Variants in PTPRD observed in about 807,000 individuals in gnomAD.
PTPRD encodes the protein protein tyrosine phosphatase receptor type D.
Under a neutral mutation model 214.5 loss-of-function variants are expected in PTPRD, and 34 were observed. The ratio of observed to expected loss-of-function variants is 0.16; its 90% CI spans 0.12 to 0.21. The LOEUF (loss-of-function observed/expected upper bound fraction) is 0.21, where lower values mean the gene tolerates loss of function less well. PTPRD is among the 10% of genes least tolerant of loss of function. The pLI, the probability that PTPRD is intolerant of heterozygous loss-of-function variation, is 1.00. For synonymous variants in PTPRD, 1,128 were observed against 845.7 expected (o/e 1.33, Z -5.79); for missense variants, 2,545 against 2,398.7 (o/e 1.06, Z -1.27).
intron 7 of PTPRD, among the ~76,000 whole-genome samples, chr9:9,727,802 T>C (rs1430191857): frequency 2.6e-5 from 4 of 152,216 alleles, no homozygotes; most frequent in Non-Finnish European, 5.9e-5. Flanking sequence ...ACTCAGTGAA[T>C]GAAAGCTATC....
At position 8,992,529 on chromosome 9, in the gene PTPRD, A is replaced by G. The variant is rs561359488; in HGVS notation, c.-104+26168T>C. ...CTTCGGCTATTCTATTTTACTTCTC[A>G]TTAATACTAGAGGTTTGGTTATTTA... On this transcript the variant is annotated intron_variant, in intron 11 of 45. Transcript: ENST00000381196. Among the ~76,000 whole-genome samples, 4 of 152,262 alleles carry G rather than the reference A, an allele frequency of 2.6e-5. No homozygotes were observed. In the East Asian group the frequency reaches 7.8e-4, roughly 30 times the overall value.
intron 11 of PTPRD, among the ~76,000 whole-genome samples, chr9:8,944,983 C>T (rs935501436): frequency 2.6e-5 from 4 of 151,940 alleles, no homozygotes; most frequent in Non-Finnish European, 4.4e-5. Context: ...GATTATGACA[C>T]ATTGTATACC....
chr9:9,546,452 C>G (rs542900550), intron 8 of PTPRD, among the ~76,000 whole-genome samples: 2 of 151,704 alleles, frequency 1.3e-5, no homozygotes, highest in South Asian at 4.2e-4. Flanking sequence ...TTCAGTTTTT[C>G]TAATTAATGC....
chr9:10,114,814 G>A (rs2098717576), intron 3 of PTPRD, among the ~76,000 whole-genome samples: 1 of 151,924 alleles, frequency 6.6e-6, no homozygotes, highest in Non-Finnish European at 1.5e-5. Context: ...GTTCTTAAAT[G>A]TTAAGCTGAT....
At chr9:10,427,196 G>A (rs940103848) in intron 2 of PTPRD, among the ~76,000 whole-genome samples, 4 of 151,928 alleles carry the variant, frequency 2.6e-5, no homozygotes, top group Admixed American at 6.6e-5. Flanking sequence ...ATAAAAACAG[G>A]TGGCCATGCT....
chr9:9,292,381 G>A (rs1951462097), intron 9 of PTPRD, among the ~76,000 whole-genome samples: 1 of 151,348 alleles, frequency 6.6e-6, no homozygotes, highest in Non-Finnish European at 1.5e-5. Flanking sequence ...ACCATTAGGT[G>A]ACTGACATAC....
At chr9:9,333,480 A>G (rs969222118) in intron 9 of PTPRD, among the ~76,000 whole-genome samples, 5 of 133,916 alleles carry the variant, frequency 3.7e-5, no homozygotes, top group African/African-American at 1.5e-4. Flanking sequence ...AAATATATAT[A>G]AAACATATAT....
At chr9:10,119,831 C>T (rs758532511) in intron 3 of PTPRD, among the ~76,000 whole-genome samples, 13 of 152,002 alleles carry the variant, frequency 8.6e-5, no homozygotes, top group East Asian at 1.9e-4. Flanking sequence ...AACATAGCTC[C>T]GAGATAATGA....
intron 9 of PTPRD, among the ~76,000 whole-genome samples, chr9:9,184,898 G>T (rs1025347377): frequency 1.3e-5 from 2 of 151,980 alleles, no homozygotes; most frequent in Admixed American, 1.3e-4. Flanking sequence ...GGAACATAAG[G>T]CTTCATTTAG....
chr9:9,791,276 G>C (rs2098965434), intron 5 of PTPRD, among the ~76,000 whole-genome samples: 1 of 151,982 alleles, frequency 6.6e-6, no homozygotes, highest in Non-Finnish European at 1.5e-5. Flanking sequence ...AGGTGTTCTG[G>C]AATTATTTGT....
intron 8 of PTPRD, among the ~76,000 whole-genome samples, chr9:9,523,492 C>A (rs2097042161): frequency 6.6e-6 from 1 of 151,970 alleles, no homozygotes; most frequent in Non-Finnish European, 1.5e-5. Context: ...TTAATCTTCC[C>A]TTGACACAAC....
chr9:9,677,395 G>A (rs1280819107), intron 7 of PTPRD, among the ~76,000 whole-genome samples: 4 of 152,052 alleles, frequency 2.6e-5, no homozygotes, highest in African/African-American at 9.7e-5. Flanking sequence ...TCATCCCTGG[G>A]ATGCAAGGCT....
chr9:8,438,574 C>T (rs1297710402), intron 34 of PTPRD: 1 of 152,038 alleles, frequency 6.6e-6, no homozygotes, highest in African/African-American at 2.4e-5. Context: ...TGAGGCACCC[C>T]CAACGAAAAG....
intron 9 of PTPRD, among the ~76,000 whole-genome samples, chr9:9,284,234 C>T (rs1595137589): frequency 1.3e-5 from 2 of 151,754 alleles, no homozygotes; most frequent in South Asian, 4.1e-4. Flanking sequence ...TTACACTTGA[C>T]CTGTAGGTTC....
chr9:9,695,357 CAGA>C (rs947561734), intron 7 of PTPRD, among the ~76,000 whole-genome samples: 42 of 152,232 alleles, frequency 2.8e-4, no homozygotes, highest in Admixed American at 2.2e-3. Context: ...TCTTTTTAAG[CAGA>C]AGGAGAGAAT....
At chr9:10,073,831 T>A (rs534983935) in intron 3 of PTPRD, among the ~76,000 whole-genome samples, 1 of 152,136 alleles carries the variant, frequency 6.6e-6, no homozygotes, top group Non-Finnish European at 1.5e-5. Flanking sequence ...AGTGAACTAC[T>A]ATACTGGGTT....
At chr9:9,198,171 A>G (rs1010136225) in intron 9 of PTPRD, among the ~76,000 whole-genome samples, 2 of 152,142 alleles carry the variant, frequency 1.3e-5, no homozygotes, top group African/African-American at 4.8e-5. Context: ...CTCACTTATT[A>G]TTTTAATTTC....
At chr9:9,967,529 A>G (rs549145084) in intron 4 of PTPRD, among the ~76,000 whole-genome samples, 5 of 152,184 alleles carry the variant, frequency 3.3e-5, no homozygotes, top group African/African-American at 1.2e-4. Context: ...GTAATTTTAC[A>G]TGTTACATCA....
intron 10 of PTPRD, among the ~76,000 whole-genome samples, chr9:9,077,475 T>C (rs1385179465): frequency 6.6e-6 from 1 of 152,064 alleles, no homozygotes; most frequent in African/African-American, 2.4e-5. Context: ...TTAAACAAAG[T>C]CAATATAAGA....
Sources: gnomAD v4.1 joint callset for allele counts (sites outside exome capture counted in the v4.1 genomes callset) on GRCh38, gnomAD v4.1.1 for gene constraint, MANE v1.5 for transcripts, NCBI Gene and HGNC (gene_info 2026-07-23, HGNC 2026-07-21) for gene names.